Variants in ACOXL observed in about 807,000 individuals in gnomAD.
The protein encoded by ACOXL is acyl-CoA oxidase like.
ACOXL carries 70 observed loss-of-function variants against 71.9 expected under a neutral mutation model. The ratio of observed to expected loss-of-function variants is 0.97; its 90% CI spans 0.80 to 1.19. The LOEUF (loss-of-function observed/expected upper bound fraction) is 1.19, where lower values mean the gene tolerates loss of function less well. Among genes scored for constraint, ACOXL ranks in the 50% most tolerant of loss-of-function variants. ACOXL has a pLI of 0.00. For missense variants in ACOXL, 703 were observed against 736.3 expected, an observed-to-expected ratio of 0.95 and a Z score of 0.52; for synonymous variants, 253 against 281.6, an observed-to-expected ratio of 0.90 and a Z score of 1.02.
intron 12 of ACOXL, among the ~76,000 whole-genome samples, chr2:110,961,743 C>T (rs920642152): frequency 6.6e-5 from 10 of 152,182 alleles, no homozygotes; most frequent in African/African-American, 2.4e-4. Flanking sequence ...CTCACAGTTC[C>T]ACATGGCTGG....
chr2:110,871,717 A>G (rs1397745456), intron 10 of ACOXL, among the ~76,000 whole-genome samples: 1 of 152,282 alleles, frequency 6.6e-6, no homozygotes, highest in East Asian at 1.9e-4. Context: ...AGCAGTCTCC[A>G]CTTAACCTGT....
At chr2:111,032,509 T>C (rs2065324300) in intron 15 of ACOXL, among the ~76,000 whole-genome samples, 1 of 152,196 alleles carries the variant, frequency 6.6e-6, no homozygotes, top group African/African-American at 2.4e-5. Context: ...TTGTTTAATT[T>C]CAAGAATCGT....
At chr2:110,772,662 T>A (rs1409576474) in intron 2 of ACOXL, among the ~76,000 whole-genome samples, 7 of 151,992 alleles carry the variant, frequency 4.6e-5, no homozygotes, top group South Asian at 2.1e-4. Flanking sequence ...AGAGCTCTGG[T>A]TTTTATCCCC....
intron 10 of ACOXL, among the ~76,000 whole-genome samples, chr2:110,860,863 C>T (rs1559356835): frequency 1.3e-5 from 2 of 152,226 alleles, no homozygotes; most frequent in African/African-American, 4.8e-5. Flanking sequence ...TTGTTTAACA[C>T]GGCCCCCTGT....
At chr2:110,751,864 TAATTC>T (rs1679012229) in intron 1 of ACOXL, among the ~76,000 whole-genome samples, 1 of 152,218 alleles carries the variant, frequency 6.6e-6, no homozygotes, top group African/African-American at 2.4e-5. Context: ...AGTGGTATAT[TAATTC>T]AATTTAATCT....
At chr2:110,811,730 T>TACACACACACACACACACACACACACAC (rs780039810) in intron 9 of ACOXL, among the ~76,000 whole-genome samples, 4 of 101,660 alleles carry the variant, frequency 3.9e-5, no homozygotes, top group Non-Finnish European at 5.8e-5. Flanking sequence ...TTTTTTTGCA[T>TACACACACACACACACACACACACACAC]ACACACACAC....
intron 10 of ACOXL, among the ~76,000 whole-genome samples, chr2:110,885,697 A>G (rs979968801): frequency 6.6e-6 from 1 of 152,192 alleles, no homozygotes; most frequent in African/African-American, 2.4e-5. Flanking sequence ...TAGTAAGTGA[A>G]GCGATGTCCT....
intron 17 of ACOXL, chr2:111,100,726 T>G (rs1160447011): frequency 6.5e-6 from 1 of 152,794 alleles, no homozygotes; most frequent in Non-Finnish European, 1.5e-5. Flanking sequence ...AAATCCTGTT[T>G]TGCACCCTTG....
chr2:110,762,235 A>G (rs1291139100), intron 1 of ACOXL, among the ~76,000 whole-genome samples: 1 of 152,110 alleles, frequency 6.6e-6, no homozygotes, highest in African/African-American at 2.4e-5. Flanking sequence ...TTATGTCACT[A>G]TATCTGAAAT....
intron 1 of ACOXL, among the ~76,000 whole-genome samples, chr2:110,751,670 T>C (rs1481897024): frequency 6.6e-6 from 1 of 152,178 alleles, no homozygotes; most frequent in African/African-American, 2.4e-5. Context: ...CCAACCCCTA[T>C]CAAAATACAT....
At position 110,752,812 on chromosome 2, in the gene ACOXL, A is replaced by G. The variant is rs1455350690; in HGVS notation, c.-22-15556A>G. ...CCAAAATTTAGCAGCTTAAACCCCAATATATATTGTCTCACGCAGTGTCTG... is the reference window on the plus strand; with the variant it reads ...CCAAAATTTAGCAGCTTAAACCCCAGTATATATTGTCTCACGCAGTGTCTG... On this transcript the variant is annotated intron_variant, in intron 1 of 17. Transcript: ENST00000439055. Among the ~76,000 whole-genome samples the G allele has an allele frequency of 3.3e-5, 5 of 152,016 alleles. No homozygotes were observed. The South Asian group carries it at 1.0e-3, about 32-fold the overall frequency.
chr2:110,783,261 A>G (rs1047951603), intron 2 of ACOXL, among the ~76,000 whole-genome samples: 1 of 152,116 alleles, frequency 6.6e-6, no homozygotes, highest in African/African-American at 2.4e-5. Flanking sequence ...TAGGCCCTCT[A>G]AAAGAGTCTG....
intron 12 of ACOXL, among the ~76,000 whole-genome samples, chr2:110,960,708 T>TA (rs1261488739): frequency 1.4e-5 from 2 of 148,046 alleles, no homozygotes; most frequent in Non-Finnish European, 3.0e-5. Context: ...TTTTTTTTTT[T>TA]AACATTGCTT....
intron 14 of ACOXL, among the ~76,000 whole-genome samples, chr2:111,023,263 A>T (rs1406059071): frequency 6.6e-6 from 1 of 152,148 alleles, no homozygotes; most frequent in Non-Finnish European, 1.5e-5. Context: ...GCACGGTCAA[A>T]TCACTCTAAG....
intron 14 of ACOXL, among the ~76,000 whole-genome samples, chr2:111,013,507 A>G (rs1407120801): frequency 1.5e-5 from 2 of 132,796 alleles, no homozygotes; most frequent in African/African-American, 5.6e-5. Flanking sequence ...TGGGTGACAG[A>G]GGGAGACCCT....
chr2:110,736,134 C>T (rs1234709535), intron 1 of ACOXL, among the ~76,000 whole-genome samples: 3 of 152,198 alleles, frequency 2.0e-5, no homozygotes, highest in African/African-American at 7.2e-5. Context: ...TTCATGAACA[C>T]GTTCTCACTA....
intron 16 of ACOXL, among the ~76,000 whole-genome samples, chr2:111,078,748 TCTC>T (rs1397109232): frequency 2.6e-5 from 4 of 152,230 alleles, no homozygotes; most frequent in Non-Finnish European, 5.9e-5. Flanking sequence ...ACATTTCTCT[TCTC>T]CTTCATATGC....
At chr2:110,896,164 C>T (rs147672810) in intron 10 of ACOXL, among the ~76,000 whole-genome samples, 1 of 151,816 alleles carries the variant, frequency 6.6e-6, no homozygotes, top group Non-Finnish European at 1.5e-5. Flanking sequence ...AAATTCTGCC[C>T]CAAGTAGGCT....
chr2:110,830,775 C>A (rs955563419), intron 9 of ACOXL, among the ~76,000 whole-genome samples: 10 of 152,068 alleles, frequency 6.6e-5, no homozygotes, highest in Non-Finnish European at 1.0e-4. Flanking sequence ...CCTTGTGATC[C>A]CCCCACCTCG....
Sources: allele counts gnomAD v4.1 joint callset (sites outside exome capture counted in the v4.1 genomes callset), GRCh38; gene constraint gnomAD v4.1.1; transcripts MANE v1.5; gene names NCBI Gene and HGNC (gene_info 2026-07-23, HGNC 2026-07-21).